GARRE1: variants seen among roughly 807,000 people sequenced by gnomAD.
GARRE1 encodes the protein granule associated Rac and RHOG effector 1, also known as granule associated Rac and RHOG effector protein 1.
GARRE1 carries 49 observed loss-of-function variants against 103.2 expected under a neutral mutation model. The observed-to-expected ratio is 0.47, with a 90% confidence interval of 0.38 to 0.60. The LOEUF (loss-of-function observed/expected upper bound fraction) is 0.60, where lower values mean the gene tolerates loss of function less well. GARRE1 is among the 20% of genes least tolerant of loss of function. The pLI, the probability that GARRE1 is intolerant of heterozygous loss-of-function variation, is 0.00. For synonymous variants in GARRE1, 505 were observed against 532.8 expected (o/e 0.95, Z 0.72); for missense variants, 1,199 against 1,370.5 (o/e 0.87, Z 1.98).
intron 1 of GARRE1, among the ~76,000 whole-genome samples, chr19:34,293,914 A>G (rs935056845): frequency 2.6e-5 from 4 of 151,048 alleles, no homozygotes; most frequent in Non-Finnish European, 5.9e-5. Context: ...ACGCGTCACT[A>G]CACCTGGCTT....
At chr19:34,337,372 A>G (rs1017001277) in intron 8 of GARRE1, among the ~76,000 whole-genome samples, 1 of 152,148 alleles carries the variant, frequency 6.6e-6, no homozygotes, top group African/African-American at 2.4e-5. Context: ...GAGTGCCATT[A>G]TATGATAGAG....
In GARRE1 at chr19:34,342,307, G is replaced by C. The variant is rs748791743; in HGVS notation, c.2373G>C (p.Leu791Phe). 1 of 1,614,162 alleles carries C rather than the reference G, an allele frequency of 6.2e-7. No individual in the cohort carries two copies. The highest frequency in any genetic ancestry group is 1.1e-5 in the South Asian group (1 of 91,076). Residue 791 changes from leucine to phenylalanine, a missense_variant, in exon 10 of 14, where the codon TTG becomes TTC. Coordinates refer to ENST00000299505, the MANE Select transcript of GARRE1 (RefSeq NM_014686.5). ...ISDLSSDLYS[L>F]GLVSSYMDNV... is the part of the protein sequence containing the mutation. ...ATCTCAGTTCTGACTTGTACAGCTT[G>C]GGTCTGGTGAGCAGCTATATGGATA...
chr19:34,352,548 C>T (rs2074244060), intron 13 of GARRE1, 99 bp from the exon 14 acceptor site: 1 of 999,676 alleles, frequency 1.0e-6, no homozygotes, highest in Non-Finnish European at 1.5e-6. Flanking sequence ...GGGCTCTCAC[C>T]CGGCTTCCTA....
rs1254819970 is a variant in GARRE1, at chr19:34,334,077, T to C, written c.1361+276T>C. ...ATCATAATGAGCAGTATTATCTTTG[T>C]TACTGAGTCTACAGCATTTAAACAT... On this transcript the variant is annotated intron_variant, in intron 8 of 13. Coordinates refer to ENST00000299505, the MANE Select transcript of GARRE1 (RefSeq NM_014686.5). 2.0e-5 allele frequency among the ~76,000 whole-genome samples: 3 copies of C among 152,200 alleles called. No homozygotes were observed. The East Asian group carries it at 5.8e-4, about 29-fold the overall frequency.
intron 1 of GARRE1, chr19:34,296,326 G>C (rs906943668): frequency 7.9e-6 from 7 of 885,830 alleles, no homozygotes; most frequent in Non-Finnish European, 1.3e-5. Context: ...GCTTGAGCTG[G>C]AACTGAAGCT....
chr19:34,276,644 C>A (rs547503754), intron 1 of GARRE1, among the ~76,000 whole-genome samples: 4 of 152,338 alleles, frequency 2.6e-5, no homozygotes, highest in African/African-American at 7.2e-5. Flanking sequence ...AGACCATGAT[C>A]TCTGCCTTCT....
intron 1 of GARRE1, among the ~76,000 whole-genome samples, chr19:34,257,051 G>T (rs2073677682): frequency 1.3e-5 from 2 of 152,038 alleles, no homozygotes; most frequent in Non-Finnish European, 2.9e-5. Context: ...CAAATACGTA[G>T]GTTGGCATTG....
At chr19:34,289,292 G>A (rs762581481) in intron 1 of GARRE1, among the ~76,000 whole-genome samples, 28 of 152,100 alleles carry the variant, frequency 1.8e-4, no homozygotes, top group Non-Finnish European at 2.8e-4. Flanking sequence ...AATTAGCTGG[G>A]CTTGGTGATG....
At chr19:34,330,632 C>G (rs1348817321) in intron 7 of GARRE1, among the ~76,000 whole-genome samples, 1 of 151,914 alleles carries the variant, frequency 6.6e-6, no homozygotes, top group Non-Finnish European at 1.5e-5. Context: ...GTCTGGGCCC[C>G]ATGGCTCATG....
At chr19:34,316,265 A>C (rs998203920) in intron 2 of GARRE1, among the ~76,000 whole-genome samples, 1 of 152,208 alleles carries the variant, frequency 6.6e-6, no homozygotes, top group African/African-American at 2.4e-5. Context: ...GTAGCTGTTG[A>C]TAGAGCTTCA....
intron 3 of GARRE1, among the ~76,000 whole-genome samples, chr19:34,322,064 G>A (rs537348556): frequency 1.3e-5 from 2 of 152,170 alleles, no homozygotes; most frequent in Admixed American, 6.5e-5. Flanking sequence ...TCACTCTGGT[G>A]TGGCATTCTC....
chr19:34,283,081 C>T (rs912262384), intron 1 of GARRE1, among the ~76,000 whole-genome samples: 4 of 152,134 alleles, frequency 2.6e-5, no homozygotes, highest in African/African-American at 4.8e-5. Context: ...TTTAGCCTGT[C>T]GTTTTGAAAT....
rs750704432 is a variant in GARRE1, at chr19:34,351,534, A to C, written c.2846A>C (p.Gln949Pro). Residue 949 changes from glutamine (Q) to proline (P), a missense_variant, in exon 13 of 14, where the codon CAA becomes CCA. Gln to Pro is a moderately conservative substitution (Grantham distance 76). Transcript: ENST00000299505. ...KQRRKHSSGE[Q>P]DTSTLPSPPL... ...TGCAGGAAACACAGCAGTGGAGAGC[A>C]AGACACCAGCACGCTGCCCTCACCA... 2 of 1,613,880 alleles carry C rather than the reference A, an allele frequency of 1.2e-6. No individual in the cohort carries two copies. Among genetic ancestry groups the C allele is most frequent in the African/African-American group, 2.7e-5 (2 of 74,924 alleles).
intron 1 of GARRE1, among the ~76,000 whole-genome samples, chr19:34,285,569 G>T (rs1356607971): frequency 6.6e-6 from 1 of 152,098 alleles, no homozygotes; most frequent in Non-Finnish European, 1.5e-5. Flanking sequence ...GTTGCAGTGA[G>T]CCGAGATCGC....
intron 2 of GARRE1, among the ~76,000 whole-genome samples, chr19:34,314,134 A>G (rs2074049316): frequency 6.6e-6 from 1 of 152,144 alleles, no homozygotes; most frequent in African/African-American, 2.4e-5. Flanking sequence ...AAATTACTCA[A>G]GAGTAATTAA....
chr19:34,258,542 TG>T (rs2073690429), intron 1 of GARRE1, among the ~76,000 whole-genome samples: 1 of 152,182 alleles, frequency 6.6e-6, no homozygotes, highest in African/African-American at 2.4e-5. Flanking sequence ...CCCAGCACTT[TG>T]GGAGGCCGAG....
intron 13 of GARRE1, among the ~76,000 whole-genome samples, chr19:34,352,185 C>T (rs376321296): frequency 1.3e-5 from 2 of 151,984 alleles, no homozygotes; most frequent in South Asian, 2.1e-4. Context: ...GGATCACGAA[C>T]GAGGTCAGGA....
At chr19:34,313,375 A>C (rs910843041) in intron 2 of GARRE1, among the ~76,000 whole-genome samples, 4 of 152,198 alleles carry the variant, frequency 2.6e-5, no homozygotes, top group African/African-American at 9.6e-5. Flanking sequence ...GATGCTGCTG[A>C]GGGGAGGTGA....
In GARRE1 at chr19:34,324,550, C is replaced by T. The variant is rs2074103453; in HGVS notation, c.706-2871C>T. 2.7e-5 allele frequency among the ~76,000 whole-genome samples: 4 copies of T among 149,800 alleles called. No homozygotes were observed. The Admixed American group carries it at 2.7e-4, about 10-fold the overall frequency. On this transcript the variant is annotated intron_variant, in intron 3 of 13. Transcript: ENST00000299505. ...ACTGGGTCTTGCTCTGTTGCCCAGG[C>T]TGGAGTGCGGTAGTGATCACAGCTT...
Sources: gnomAD v4.1 joint callset for allele counts (sites outside exome capture counted in the v4.1 genomes callset) on GRCh38, gnomAD v4.1.1 for gene constraint, MANE v1.5 for transcripts, NCBI Gene and HGNC (gene_info 2026-07-23, HGNC 2026-07-21) for gene names.